Variants in HPSE2 observed in about 807,000 individuals in gnomAD.
The protein encoded by HPSE2 is inactive heparanase-2.
Under a neutral mutation model 60.5 loss-of-function variants are expected in HPSE2, and 38 were observed. The observed-to-expected ratio is 0.63, with a 90% confidence interval of 0.48 to 0.82. The LOEUF (loss-of-function observed/expected upper bound fraction) is 0.82, where lower values mean the gene tolerates loss of function less well. Ranked by LOEUF, HPSE2 falls within the 40% of genes least tolerant of loss-of-function variation. The pLI is 0.00. For synonymous variants in HPSE2, 295 were observed against 293.2 expected (o/e 1.01, Z -0.06); for missense variants, 713 against 740.4 (o/e 0.96, Z 0.43).
chr10:99,232,941 C>T (rs896134646), intron 1 of HPSE2, among the ~76,000 whole-genome samples: 4 of 152,264 alleles, frequency 2.6e-5, no homozygotes, highest in Admixed American at 2.6e-4. Context: ...TTGCCAAAAA[C>T]TTGTATGCTG....
chr10:99,239,355 A>C (rs1229043879), upstream of HPSE2, among the ~76,000 whole-genome samples: 1 of 150,326 alleles, frequency 6.7e-6, no homozygotes, highest in African/African-American at 2.4e-5. Context: ...AGTGATTTCT[A>C]GACTTTGTTT....
intron 6 of HPSE2, among the ~76,000 whole-genome samples, chr10:98,691,156 C>T (rs1948068123): frequency 6.6e-6 from 1 of 152,146 alleles, no homozygotes; most frequent in Non-Finnish European, 1.5e-5. Flanking sequence ...GTCCTCCTGG[C>T]CAGAATTGCC....
chr10:99,303,288 C>T, the HPSE2 span, among the ~76,000 whole-genome samples: 1 of 152,132 alleles, frequency 6.6e-6, no homozygotes, highest in Non-Finnish European at 1.5e-5. Flanking sequence ...AAAGGGAACT[C>T]TGAAACTTAG....
chr10:99,012,649 T>C (rs753776044), intron 3 of HPSE2, among the ~76,000 whole-genome samples: 1 of 152,172 alleles, frequency 6.6e-6, no homozygotes, highest in Admixed American at 6.5e-5. Flanking sequence ...ACAATACATA[T>C]ACAACCTTAT....
chr10:98,607,748 C>T (rs1945634706), intron 9 of HPSE2, among the ~76,000 whole-genome samples: 2 of 152,144 alleles, frequency 1.3e-5, no homozygotes, highest in African/African-American at 2.4e-5. Context: ...CTTTAGTCAT[C>T]ATTGCTTGAA....
At chr10:98,793,555 ATAGG>A (rs1950705926) in intron 3 of HPSE2, among the ~76,000 whole-genome samples, 1 of 152,266 alleles carries the variant, frequency 6.6e-6, no homozygotes, top group South Asian at 2.1e-4. Flanking sequence ...TACATTCCAG[ATAGG>A]TAGGAACAGA....
At chr10:98,657,450 CA>C (rs1444404226) in intron 6 of HPSE2, among the ~76,000 whole-genome samples, 1 of 152,124 alleles carries the variant, frequency 6.6e-6, no homozygotes, top group African/African-American at 2.4e-5. Flanking sequence ...TGTGCTTCAA[CA>C]CCCCCCGCCC....
intron 9 of HPSE2, among the ~76,000 whole-genome samples, chr10:98,571,407 G>T (rs547294773): frequency 1.5e-4 from 23 of 152,228 alleles, no homozygotes; most frequent in African/African-American, 5.5e-4. Context: ...GACTAACCCT[G>T]AACCTTGCAA....
chr10:99,038,999 C>T (rs915838619), intron 3 of HPSE2, among the ~76,000 whole-genome samples: 1 of 152,098 alleles, frequency 6.6e-6, no homozygotes, highest in African/African-American at 2.4e-5. Context: ...AGAATGTCTT[C>T]AATTGGCAGC....
At chr10:98,712,649 G>A (rs10748751) in intron 5 of HPSE2, among the ~76,000 whole-genome samples, 28,075 of 152,036 alleles carry the variant, frequency 0.18, 3,020 homozygotes, top group East Asian at 0.38. Flanking sequence ...TGCCGTGGTG[G>A]CAAAGACCAT....
intron 2 of HPSE2, among the ~76,000 whole-genome samples, chr10:99,179,541 A>G (rs1847671948): frequency 1.3e-5 from 2 of 152,188 alleles, no homozygotes; most frequent in Admixed American, 6.5e-5. Flanking sequence ...ATACCTAGGA[A>G]TCCAACTTAC....
chr10:99,112,020 C>T (rs969390458), intron 3 of HPSE2, among the ~76,000 whole-genome samples: 6 of 152,260 alleles, frequency 3.9e-5, no homozygotes, highest in African/African-American at 1.4e-4. Flanking sequence ...CTAGCACATG[C>T]CAGCACATTC....
chr10:99,116,702 G>C (rs763195858), intron 3 of HPSE2, among the ~76,000 whole-genome samples: 3 of 152,174 alleles, frequency 2.0e-5, no homozygotes, highest in Non-Finnish European at 2.9e-5. Flanking sequence ...GTGAGACACG[G>C]AGAACAAAAG....
intron 3 of HPSE2, among the ~76,000 whole-genome samples, chr10:98,867,451 A>G (rs1952617208): frequency 6.6e-6 from 1 of 151,028 alleles, no homozygotes; most frequent in African/African-American, 2.4e-5. Context: ...ATGAGATATC[A>G]TCTCATTCCA....
intron 3 of HPSE2, among the ~76,000 whole-genome samples, chr10:98,851,259 C>T (rs927488672): frequency 1.3e-5 from 2 of 152,168 alleles, no homozygotes; most frequent in Admixed American, 1.3e-4. Context: ...ACCTAAGACA[C>T]AAGGAGGCTA....
chr10:98,528,212 AT>A (rs1328016355), intron 9 of HPSE2, among the ~76,000 whole-genome samples: 1 of 152,096 alleles, frequency 6.6e-6, no homozygotes, highest in Non-Finnish European at 1.5e-5. Flanking sequence ...AATTAAAGGG[AT>A]CCTCATCCCT....
rs775175651 is a variant in HPSE2 at position 99,235,704 on chromosome 10, G to C, written c.99C>G (p.Leu33=). Residue 33 remains leucine, a synonymous_variant, in exon 1 of 12, where the codon CTC becomes CTG. Coordinates refer to ENST00000370552, the MANE Select transcript of HPSE2 (RefSeq NM_021828.5). ...APGALYLALL[L]HLSLSSQAGD... The stretch of plus-strand genomic sequence containing the variant: ...CAGCCTGGGAGGAAAGGGAGAGATG[G>C]AGCAACAGAGCCAAGTAGAGAGCCC... 1.2e-5 allele frequency: 19 copies of C among 1,613,938 alleles called. No individual in the cohort carries two copies. In the East Asian group the frequency reaches 2.2e-4, roughly 19 times the overall value.
intron 3 of HPSE2, among the ~76,000 whole-genome samples, chr10:98,952,835 A>G (rs1428429327): frequency 6.6e-6 from 1 of 152,092 alleles, no homozygotes; most frequent in Non-Finnish European, 1.5e-5. Flanking sequence ...AAGGCCACCA[A>G]TCCTATTGGA....
At chr10:99,151,555 A>C (rs1355138638) in intron 2 of HPSE2, among the ~76,000 whole-genome samples, 1 of 152,220 alleles carries the variant, frequency 6.6e-6, no homozygotes, top group Non-Finnish European at 1.5e-5. Flanking sequence ...ATCTAGATAC[A>C]TTATAATAAA....
Sources: allele counts gnomAD v4.1 joint callset (sites outside exome capture counted in the v4.1 genomes callset), GRCh38; gene constraint gnomAD v4.1.1; transcripts MANE v1.5; gene names NCBI Gene and HGNC (gene_info 2026-07-23, HGNC 2026-07-21).